Variants in SLC1A2 observed in about 807,000 individuals in gnomAD.
The protein encoded by SLC1A2 is excitatory amino acid transporter 2.
In SLC1A2, 15 loss-of-function variants were observed where a neutral mutation model predicts 48.8. The ratio of observed to expected loss-of-function variants is 0.31; its 90% CI spans 0.21 to 0.47. SLC1A2 has a LOEUF of 0.47. SLC1A2 is among the 20% of genes least tolerant of loss of function. SLC1A2 has a pLI of 0.99. For synonymous variants in SLC1A2, 279 were observed against 272.6 expected (o/e 1.02, Z -0.23); for missense variants, 502 against 730.5 (o/e 0.69, Z 3.61).
At chr11:35,379,362 C>T (rs1255576354) in intron 1 of SLC1A2, among the ~76,000 whole-genome samples, 2 of 152,256 alleles carry the variant, frequency 1.3e-5, no homozygotes, top group East Asian at 1.9e-4. Context: ...ATTCACAAAA[C>T]TATTGCAAAT....
chr11:35,415,432 G>A (rs1855576932), intron 1 of SLC1A2, among the ~76,000 whole-genome samples: 1 of 152,122 alleles, frequency 6.6e-6, no homozygotes, highest in Non-Finnish European at 1.5e-5. Flanking sequence ...TTTCCCCAAG[G>A]AGGCTGATTT....
intron 1 of SLC1A2, among the ~76,000 whole-genome samples, chr11:35,410,634 T>C (rs941752912): frequency 2.0e-5 from 3 of 152,154 alleles, no homozygotes; most frequent in African/African-American, 7.2e-5. Context: ...TGACAGCTCT[T>C]AACTATATTC....
At chr11:35,375,458 C>T (rs538514653) in intron 1 of SLC1A2, among the ~76,000 whole-genome samples, 1 of 152,190 alleles carries the variant, frequency 6.6e-6, no homozygotes, top group Non-Finnish European at 1.5e-5. Flanking sequence ...AAGAAGCGGG[C>T]CTGGGGCCAT....
At chr11:35,298,373 A>C (rs1591442165) in intron 6 of SLC1A2, 1 of 152,178 alleles carries the variant, frequency 6.6e-6, no homozygotes, top group Non-Finnish European at 1.5e-5. Flanking sequence ...TCAATGTTAC[A>C]TTCTGCTATT....
At chr11:35,311,921 A>AGAGAGAGAGAGAGAGAGGG in intron 4 of SLC1A2, among the ~76,000 whole-genome samples, 1 of 2,924 alleles carries the variant, frequency 3.4e-4, no homozygotes, top group Admixed American at 5.0e-3. Context: ...AGAGAGAGAG[A>AGAGAGAGAGAGAGAGAGGG]GGCGGGGGGG....
intron 1 of SLC1A2, among the ~76,000 whole-genome samples, chr11:35,405,447 T>A (rs1855259697): frequency 6.6e-6 from 1 of 151,472 alleles, no homozygotes; most frequent in Non-Finnish European, 1.5e-5. Context: ...CTAATGTAAT[T>A]GAAAAATCTG....
intron 1 of SLC1A2, among the ~76,000 whole-genome samples, chr11:35,337,696 A>C (rs1590202833): frequency 6.6e-6 from 1 of 152,176 alleles, no homozygotes; most frequent in East Asian, 1.9e-4. Context: ...TGCAAACTCC[A>C]AAACTGCCCC....
At chr11:35,401,074 T>C (rs1239849224) in intron 1 of SLC1A2, among the ~76,000 whole-genome samples, 2 of 152,318 alleles carry the variant, frequency 1.3e-5, no homozygotes, top group Admixed American at 6.5e-5. Context: ...AAAAAGTTTA[T>C]TTAAAGACCT....
At chr11:35,395,931 G>T (rs1294225078) in intron 1 of SLC1A2, among the ~76,000 whole-genome samples, 1 of 146,662 alleles carries the variant, frequency 6.8e-6, no homozygotes, top group Non-Finnish European at 1.5e-5. Flanking sequence ...GCGGTGTTTG[G>T]TTTTTTGTTC....
At chr11:35,361,704 CGG>C (rs769121917) in intron 1 of SLC1A2, among the ~76,000 whole-genome samples, 103 of 152,162 alleles carry the variant, frequency 6.8e-4, no homozygotes, top group Admixed American at 1.6e-3. Context: ...CAGCTGGGTA[CGG>C]TGGCTCACAC....
rs1855706636 is a variant in SLC1A2, at chr11:35,419,209, G to T, written c.-243C>A. ...CGACCCGCGCTCCCCTCCGCCCGCG[G>T]GGATGGCGCTTGGCGGGGAGCTCCG... On this transcript the variant is annotated 5_prime_UTR_variant, in exon 1 of 11. Coordinates refer to ENST00000278379, the MANE Select transcript of SLC1A2 (RefSeq NM_004171.4). This position sits in a 1 kb window ranked among gnomAD's most constrained non-coding sequence, Gnocchi z 5.4. 1 of 443,318 alleles carries T rather than the reference G, an allele frequency of 2.3e-6. No homozygotes were observed. Among genetic ancestry groups the T allele is most frequent in the Non-Finnish European group, 4.0e-6 (1 of 252,516 alleles). The allele number at this position is 443,318 out of a possible 1,614,324, so 27.5% of individuals were successfully genotyped here. A position where few individuals can be genotyped will look rare whatever the true frequency, so the allele number is the denominator to read the frequency against.
At chr11:35,294,335 G>A (rs1172071570) in intron 6 of SLC1A2, among the ~76,000 whole-genome samples, 1 of 152,172 alleles carries the variant, frequency 6.6e-6, no homozygotes, top group South Asian at 2.1e-4. Context: ...TCCGTGGGGT[G>A]CAGGCTGGTC....
intron 1 of SLC1A2, among the ~76,000 whole-genome samples, chr11:35,347,419 C>T (rs1010746740): frequency 2.0e-5 from 3 of 152,220 alleles, no homozygotes; most frequent in Non-Finnish European, 4.4e-5. Context: ...AAAAGGATCA[C>T]AAGCAGATTT....
At position 35,354,579 on chromosome 11, in the gene SLC1A2, G is replaced by A. The variant is rs1008052717; in HGVS notation, c.18-37063C>T. Among the ~76,000 whole-genome samples, 4 of 152,122 alleles carry A rather than the reference G, an allele frequency of 2.6e-5. No homozygotes were observed. In the East Asian group the frequency reaches 7.7e-4, roughly 29 times the overall value. ...CTAACACAGTGGTTCTCAGCCAGGGGCAATTTTGTAATGTCTGGACACATT... is the reference window on the plus strand; with the variant it reads ...CTAACACAGTGGTTCTCAGCCAGGGACAATTTTGTAATGTCTGGACACATT... On this transcript the variant is annotated intron_variant, in intron 1 of 10. Transcript: ENST00000278379.
intron 1 of SLC1A2, among the ~76,000 whole-genome samples, chr11:35,351,542 T>C (rs1195502911): frequency 1.3e-5 from 2 of 152,238 alleles, no homozygotes; most frequent in Non-Finnish European, 2.9e-5. Flanking sequence ...CCCCATCAGA[T>C]ACAGTATGAT....
intron 1 of SLC1A2, among the ~76,000 whole-genome samples, chr11:35,342,133 A>G (rs1374866954): frequency 6.6e-6 from 1 of 152,214 alleles, no homozygotes; most frequent in Non-Finnish European, 1.5e-5. Context: ...GGAGATTCTT[A>G]TATATTTTTG....
chr11:35,264,176 C>G (rs1565199104), intron 10 of SLC1A2: 1 of 152,182 alleles, frequency 6.6e-6, no homozygotes, highest in Admixed American at 6.5e-5. Flanking sequence ...CTTGTTCACC[C>G]ATGTATGTAT....
At chr11:35,374,814 G>A (rs1280747259) in intron 1 of SLC1A2, among the ~76,000 whole-genome samples, 1 of 151,260 alleles carries the variant, frequency 6.6e-6, no homozygotes, top group Non-Finnish European at 1.5e-5. Context: ...ACTTAGTAGG[G>A]AGCCTGCTGG....
At chr11:35,352,356 C>T (rs1053270037) in intron 1 of SLC1A2, 8 of 152,210 alleles carry the variant, frequency 5.3e-5, no homozygotes, top group African/African-American at 1.9e-4. Flanking sequence ...CATCCACGGT[C>T]CCTTATCAGT....
Sources: gnomAD v4.1 joint callset for allele counts (sites outside exome capture counted in the v4.1 genomes callset) on GRCh38, gnomAD v4.1.1 for gene constraint, Gnocchi (gnomAD v3.1) non-coding constraint, MANE v1.5 for transcripts, NCBI Gene and HGNC (gene_info 2026-07-23, HGNC 2026-07-21) for gene names.